XXYLT1: variants seen among roughly 807,000 people sequenced by gnomAD.
XXYLT1 encodes the protein xyloside xylosyltransferase 1, also known as UDP-xylose:alpha-xyloside alpha-1,3-xylosyltransferase.
In XXYLT1, 20 loss-of-function variants were observed where a neutral mutation model predicts 28.9. The ratio of observed to expected loss-of-function variants is 0.69; its 90% CI spans 0.49 to 1.00. The LOEUF is 1.00. Ranked by LOEUF, XXYLT1 falls within the 50% of genes least tolerant of loss-of-function variation. The pLI, the probability that XXYLT1 is intolerant of heterozygous loss-of-function variation, is 0.00. For missense variants in XXYLT1, 542 were observed against 560.1 expected (o/e 0.97, Z 0.33); for synonymous variants, 257 against 253.8 (o/e 1.01, Z -0.12).
At chr3:195,184,331 C>A (rs1560140316) in intron 2 of XXYLT1, among the ~76,000 whole-genome samples, 1 of 152,190 alleles carries the variant, frequency 6.6e-6, no homozygotes, top group Non-Finnish European at 1.5e-5. Flanking sequence ...TGGCTTTTAG[C>A]CCAATATGTG....
chr3:195,157,123 A>G (rs1182433657), intron 2 of XXYLT1, among the ~76,000 whole-genome samples: 1 of 151,458 alleles, frequency 6.6e-6, no homozygotes. Flanking sequence ...GGTGCCTGTA[A>G]TTCCAGCTAG....
At chr3:195,229,280 T>C (rs1486049962) in intron 1 of XXYLT1, among the ~76,000 whole-genome samples, 1 of 152,200 alleles carries the variant, frequency 6.6e-6, no homozygotes, top group Non-Finnish European at 1.5e-5. Context: ...AGAGTATGTA[T>C]ATATATTTAT....
At chr3:195,182,107 T>C (rs1227472621) in intron 2 of XXYLT1, among the ~76,000 whole-genome samples, 1 of 152,208 alleles carries the variant, frequency 6.6e-6, no homozygotes, top group Non-Finnish European at 1.5e-5. Flanking sequence ...AGTCATCATC[T>C]TTCCAGATAC....
chr3:195,105,296 T>A (rs1412595520), intron 3 of XXYLT1, among the ~76,000 whole-genome samples: 1 of 152,252 alleles, frequency 6.6e-6, no homozygotes, highest in East Asian at 1.9e-4. Flanking sequence ...TAAGCATATG[T>A]TTTAACAGAC....
At chr3:195,171,164 G>A (rs186974554) in intron 2 of XXYLT1, among the ~76,000 whole-genome samples, 1 of 152,334 alleles carries the variant, frequency 6.6e-6, no homozygotes, top group Admixed American at 6.5e-5. Flanking sequence ...AAAGGCACAG[G>A]GTGAGCCTGG....
At chr3:195,155,315 C>T (rs571945623) in intron 3 of XXYLT1, among the ~76,000 whole-genome samples, 4 of 152,284 alleles carry the variant, frequency 2.6e-5, no homozygotes, top group African/African-American at 9.6e-5. Flanking sequence ...CCAGGAAGGT[C>T]GGCAGGGAGC....
chr3:195,213,626 C>T (rs956678307), intron 2 of XXYLT1, among the ~76,000 whole-genome samples: 5 of 152,184 alleles, frequency 3.3e-5, no homozygotes, highest in African/African-American at 9.7e-5. Flanking sequence ...AATAGGTATT[C>T]CTCAAAAAGG....
At chr3:195,169,701 G>T (rs1721300977) in intron 2 of XXYLT1, among the ~76,000 whole-genome samples, 1 of 151,888 alleles carries the variant, frequency 6.6e-6, no homozygotes, top group South Asian at 2.1e-4. Flanking sequence ...CTTCCCTATA[G>T]TCTTCCTAGT....
At chr3:195,203,737 T>C (rs59739718) in intron 2 of XXYLT1, among the ~76,000 whole-genome samples, 14,252 of 152,200 alleles carry the variant, frequency 0.094, 2,195 homozygotes, top group African/African-American at 0.32. Flanking sequence ...CACAGCCCCT[T>C]GGAGCAGTGT....
rs1412794886 is a variant in XXYLT1 at position 195,209,029 on chromosome 3, T to C, written c.652+17680A>G. 1.3e-5 allele frequency among the ~76,000 whole-genome samples: 2 copies of C among 152,062 alleles called. No individual in the cohort carries two copies. The highest frequency in any genetic ancestry group is 2.9e-5 in the Non-Finnish European group (2 of 67,988). On this transcript the variant is annotated intron_variant, in intron 2 of 3. Coordinates refer to ENST00000310380, the MANE Select transcript of XXYLT1 (RefSeq NM_152531.5). The surrounding 1 kb of genome is among the most constrained non-coding windows in gnomAD (Gnocchi z 5.0). Reference sequence around the variant, plus strand: ...ATCAATGATGCTTTAAAAGAAAAAATACTGTACCTGACTCCCCCAACCCAA... The same window carrying C: ...ATCAATGATGCTTTAAAAGAAAAAACACTGTACCTGACTCCCCCAACCCAA...
chr3:195,099,485 C>T (rs1716645329), intron 3 of XXYLT1, among the ~76,000 whole-genome samples: 1 of 152,196 alleles, frequency 6.6e-6, no homozygotes, highest in Non-Finnish European at 1.5e-5. Flanking sequence ...TGTTCACAAG[C>T]CCCTTTCCCT....
At chr3:195,262,841 A>G (rs986406857) in intron 1 of XXYLT1, among the ~76,000 whole-genome samples, 4 of 152,242 alleles carry the variant, frequency 2.6e-5, no homozygotes, top group African/African-American at 9.6e-5. Flanking sequence ...TCATGAGTAT[A>G]TTACAATTTA....
chr3:195,246,657 A>G (rs1725034914), intron 1 of XXYLT1, among the ~76,000 whole-genome samples: 1 of 152,194 alleles, frequency 6.6e-6, no homozygotes, highest in Non-Finnish European at 1.5e-5. Flanking sequence ...GGAATAAACC[A>G]CAAGGCAGCT....
chr3:195,221,517 G>A (rs1014139708), intron 2 of XXYLT1, among the ~76,000 whole-genome samples: 10 of 152,240 alleles, frequency 6.6e-5, no homozygotes, highest in Non-Finnish European at 1.2e-4. Flanking sequence ...GGGGATGACA[G>A]GAGAGTCTCC....
At chr3:195,119,004 G>A (rs1022328208) in intron 3 of XXYLT1, among the ~76,000 whole-genome samples, 9 of 152,230 alleles carry the variant, frequency 5.9e-5, no homozygotes, top group African/African-American at 1.4e-4. Context: ...AAGCCCAGGC[G>A]CGGTGGCTCA....
At chr3:195,098,875 C>T (rs974041833) in intron 3 of XXYLT1, among the ~76,000 whole-genome samples, 1 of 152,210 alleles carries the variant, frequency 6.6e-6, no homozygotes, top group Non-Finnish European at 1.5e-5. Context: ...CTGGGGTCTC[C>T]AAGCTGCCTC....
Position 195,180,004 on chromosome 3 carries a change from T to C in XXYLT1, c.653-23423A>G, listed in dbSNP as rs1405572913. On this transcript the variant is annotated intron_variant, in intron 2 of 3. Transcript: ENST00000310380. The surrounding 1 kb of genome is among the most constrained non-coding windows in gnomAD (Gnocchi z 5.8). The stretch of plus-strand genomic sequence containing the variant: ...ACACAGGCAGGCTCCAGGCCGGGAC[T>C]CCACACTGCAGGCAGAGTCGGGCCA... 6.6e-6 allele frequency among the ~76,000 whole-genome samples: 1 copy of C among 152,082 alleles called. No individual in the cohort carries two copies. The highest frequency in any genetic ancestry group is 1.5e-5 in the Non-Finnish European group (1 of 68,032).
chr3:195,212,680 A>T (rs781519907), intron 2 of XXYLT1, among the ~76,000 whole-genome samples: 1 of 152,270 alleles, frequency 6.6e-6, no homozygotes, highest in East Asian at 1.9e-4. Context: ...CATGCTCCTT[A>T]TGAGACTCTG....
chr3:195,134,882 TGC>T (rs5855619), intron 3 of XXYLT1, among the ~76,000 whole-genome samples: 52,953 of 148,228 alleles, frequency 0.36, 10,578 homozygotes, highest in East Asian at 0.82. Flanking sequence ...TGTGCGCGCG[TGC>T]GCGCACGTGC....
Sources: gnomAD v4.1 joint callset for allele counts (sites outside exome capture counted in the v4.1 genomes callset) on GRCh38, gnomAD v4.1.1 for gene constraint, Gnocchi (gnomAD v3.1) non-coding constraint, MANE v1.5 for transcripts, NCBI Gene and HGNC (gene_info 2026-07-23, HGNC 2026-07-21) for gene names.